PDK1: variants seen among roughly 807,000 people sequenced by gnomAD.
PDK1 encodes the protein pyruvate dehydrogenase kinase 1.
In PDK1, 39 loss-of-function variants were observed where a neutral mutation model predicts 54.2. That is an observed-to-expected ratio of 0.72 (90% confidence interval 0.56 to 0.94). PDK1 has a LOEUF of 0.94. Among genes scored for constraint, PDK1 ranks in the 40% least tolerant of loss-of-function variants. The pLI, the probability that PDK1 is intolerant of heterozygous loss-of-function variation, is 0.00. For synonymous variants in PDK1, 221 were observed against 207.1 expected, an observed-to-expected ratio of 1.07 and a Z score of -0.58; for missense variants, 552 against 566.0, an observed-to-expected ratio of 0.98 and a Z score of 0.25.
Position 172,558,757 on chromosome 2 carries a change from G to T in PDK1, c.246G>T (p.Glu82Asp). The T allele has an allele frequency of 1.2e-6, 2 of 1,610,232 alleles. No individual in the cohort carries two copies. Among genetic ancestry groups the T allele is most frequent in the Non-Finnish European group, 1.7e-6 (2 of 1,178,492 alleles). ...EKTSFMFLRQ[E>D]LPVRLANIMK... ...CCTCATTTATGTTTCTGCGGCAAGA[G>T]TTGCCTGTCAGACTGGCAAATATAA... is the stretch of plus-strand genomic sequence containing the variant. The change falls in exon 2 of 11, where the codon GAG becomes GAT. Residue 82 changes from glutamate (E) to aspartate (D), a missense_variant. Glu to Asp is a conservative substitution (Grantham distance 45). Transcript: ENST00000282077.
the PDK1 span, among the ~76,000 whole-genome samples, chr2:172,694,992 T>C: frequency 0.22 from 33,202 of 151,834 alleles, 4,148 homozygotes; most frequent in African/African-American, 0.34. Flanking sequence ...GTGGTGTGCA[T>C]CTGTAGTCCC....
At position 172,566,897 on chromosome 2, in the gene PDK1, A is replaced by G. The variant is rs759674880; in HGVS notation, c.733A>G (p.Ile245Val). 16 of 1,611,520 alleles carry G rather than the reference A, an allele frequency of 9.9e-6. No homozygotes were observed. Among genetic ancestry groups the G allele is most frequent in the Non-Finnish European group, 1.4e-5 (16 of 1,178,176 alleles). ...TAGGCGTCTGTGTGATTTGTATTAT[A>G]TTAACTCTCCCGAACTAGAACTTGA... The part of the protein sequence containing the change: ...NARRLCDLYY[I>V]NSPELELEEL... The change falls in exon 6 of 11, where the codon ATT (isoleucine) becomes GTT (valine). Residue 245 changes from isoleucine to valine, a missense_variant. Coordinates refer to ENST00000282077, the MANE Select transcript of PDK1 (RefSeq NM_002610.5).
the PDK1 span, among the ~76,000 whole-genome samples, chr2:172,644,577 G>C: frequency 1.3e-5 from 2 of 152,180 alleles, no homozygotes; most frequent in Non-Finnish European, 1.5e-5. Context: ...AGTCCTTGTG[G>C]AAAATGTTTG....
chr2:172,556,453 C>A, intron 1 of PDK1, 107 bp downstream of exon 1: 1 of 748,948 alleles, frequency 1.3e-6, no homozygotes, highest in Non-Finnish European at 1.9e-6. Flanking sequence ...CTGAGGCGCA[C>A]CCCTCCTCCT....
chr2:172,610,900 C>CT (rs1310552951), downstream of PDK1, among the ~76,000 whole-genome samples: 1 of 152,264 alleles, frequency 6.6e-6, no homozygotes, highest in African/African-American at 2.4e-5. Context: ...GCGTGAGCCA[C>CT]TGCACCCAGC....
At chr2:172,557,474 A>T (rs1688397387) in intron 1 of PDK1, among the ~76,000 whole-genome samples, 1 of 152,170 alleles carries the variant, frequency 6.6e-6, no homozygotes, top group Non-Finnish European at 1.5e-5. Flanking sequence ...TGGGATCCTG[A>T]TATGGGAGTG....
At chr2:172,700,949 G>A in the PDK1 span, among the ~76,000 whole-genome samples, 8 of 152,166 alleles carry the variant, frequency 5.3e-5, no homozygotes, top group Admixed American at 2.0e-4. Flanking sequence ...TCCAGATGGC[G>A]GCAGTACAGT....
intron 8 of PDK1, among the ~76,000 whole-genome samples, chr2:172,579,288 G>C (rs973575413): frequency 1.3e-5 from 2 of 152,090 alleles, no homozygotes; most frequent in Non-Finnish European, 2.9e-5. Flanking sequence ...TCAGAGTCAG[G>C]TCAAATAAAT....
At chr2:172,595,740 G>T in intron 10 of PDK1, 89 bp from the exon 11 acceptor site, 2 of 1,028,966 alleles carry the variant, frequency 1.9e-6, no homozygotes, top group Non-Finnish European at 2.9e-6. Context: ...TATTTAATTT[G>T]TCGTAACCTT....
chr2:172,700,689 G>A, the PDK1 span, among the ~76,000 whole-genome samples: 1 of 152,226 alleles, frequency 6.6e-6, no homozygotes, highest in African/African-American at 2.4e-5. Flanking sequence ...CAGAGATCAC[G>A]CCACTGCACT....
the PDK1 span, among the ~76,000 whole-genome samples, chr2:172,629,486 CGGGGAAGACCGAACTCCA>C: frequency 6.6e-6 from 1 of 152,026 alleles, no homozygotes; most frequent in African/African-American, 2.4e-5. Flanking sequence ...AGAGTTCAGC[CGGGGAAGACCGAACTCCA>C]GGGGAAGACC....
the PDK1 span, among the ~76,000 whole-genome samples, chr2:172,699,941 T>C: frequency 6.6e-6 from 1 of 152,062 alleles, no homozygotes; most frequent in Admixed American, 6.5e-5. Context: ...TACCTCAGAT[T>C]AGAGAGTGGT....
At chr2:172,715,007 C>T in the PDK1 span, among the ~76,000 whole-genome samples, 3 of 152,156 alleles carry the variant, frequency 2.0e-5, no homozygotes, top group Admixed American at 6.5e-5. Flanking sequence ...TACAGAATTT[C>T]CCTATGAGTC....
the PDK1 span, among the ~76,000 whole-genome samples, chr2:172,634,772 C>CAAAAAAA: frequency 3.1e-5 from 4 of 129,748 alleles, no homozygotes; most frequent in African/African-American, 1.2e-4. Flanking sequence ...TCTTAAAATG[C>CAAAAAAA]AAAAAAAAAA....
chr2:172,654,330 T>G, the PDK1 span, among the ~76,000 whole-genome samples: 1 of 152,190 alleles, frequency 6.6e-6, no homozygotes, highest in Non-Finnish European at 1.5e-5. Flanking sequence ...GTATGTTTAT[T>G]GCAGCACTAT....
intron 8 of PDK1, among the ~76,000 whole-genome samples, chr2:172,573,327 G>C (rs545899906): frequency 1.1e-3 from 165 of 152,064 alleles, no homozygotes; most frequent in African/African-American, 3.4e-3. Flanking sequence ...ATTTGCATTT[G>C]TCTAATGACT....
the PDK1 span, among the ~76,000 whole-genome samples, chr2:172,668,262 GTTTC>G: frequency 2.1e-5 from 3 of 146,290 alleles, no homozygotes; most frequent in South Asian, 2.3e-4. Context: ...TGAGCTGATG[GTTTC>G]TTTCTTTCTT....
At chr2:172,556,402 G>C (rs1688325004) in intron 1 of PDK1, 56 bp downstream of exon 1, 1 of 1,285,814 alleles carries the variant, frequency 7.8e-7, no homozygotes, top group Non-Finnish European at 1.0e-6. Flanking sequence ...GGGGAGCTGC[G>C]GCCGCTGCCC....
chr2:172,584,408 C>T (rs1690093246), intron 8 of PDK1, among the ~76,000 whole-genome samples: 1 of 150,422 alleles, frequency 6.6e-6, no homozygotes, highest in Non-Finnish European at 1.5e-5. Flanking sequence ...TTTTTTGCTG[C>T]TTAACTATCT....
Sources: gnomAD v4.1 joint callset for allele counts (sites outside exome capture counted in the v4.1 genomes callset) on GRCh38, gnomAD v4.1.1 for gene constraint, MANE v1.5 for transcripts, NCBI Gene and HGNC (gene_info 2026-07-23, HGNC 2026-07-21) for gene names.